IPCEF1: variants seen among roughly 807,000 people sequenced by gnomAD.
IPCEF1 encodes the protein interaction protein for cytohesin exchange factors 1.
In IPCEF1, 31 loss-of-function variants were observed where a neutral mutation model predicts 50.9. The ratio of observed to expected loss-of-function variants is 0.61; its 90% CI spans 0.46 to 0.82. The LOEUF (loss-of-function observed/expected upper bound fraction) is 0.82, where lower values mean the gene tolerates loss of function less well. IPCEF1 is among the 40% of genes least tolerant of loss of function. The pLI, the probability that IPCEF1 is intolerant of heterozygous loss-of-function variation, is 0.00. For missense variants in IPCEF1, 458 were observed against 514.0 expected, an observed-to-expected ratio of 0.89 and a Z score of 1.05; for synonymous variants, 181 against 192.0, an observed-to-expected ratio of 0.94 and a Z score of 0.47.
intron 5 of IPCEF1, among the ~76,000 whole-genome samples, chr6:154,226,757 T>C (rs1350349772): frequency 4.6e-5 from 7 of 152,314 alleles, no homozygotes; most frequent in Middle Eastern, 3.4e-3. Flanking sequence ...CCCTGCATGG[T>C]GTCCAGCTGC....
intron 5 of IPCEF1, among the ~76,000 whole-genome samples, chr6:154,244,301 G>GGTGGGT (rs71802413): frequency 8.8e-5 from 13 of 147,960 alleles, no homozygotes; most frequent in African/African-American, 2.5e-4. Context: ...TGTGTGGGTG[G>GGTGGGT]GTGTGTGTGT....
At chr6:154,218,723 AATG>A (rs779517343) in intron 7 of IPCEF1, among the ~76,000 whole-genome samples, 4 of 152,212 alleles carry the variant, frequency 2.6e-5, no homozygotes, top group Non-Finnish European at 5.9e-5. Context: ...GAAACTCTAT[AATG>A]ATATTATAAA....
In IPCEF1 at chr6:154,348,552, G is replaced by C. The variant is rs542881052; in HGVS notation, c.-62+8120C>G. Among the ~76,000 whole-genome samples the C allele has an allele frequency of 1.6e-4, 24 of 152,318 alleles. 1 individual carries two copies. The South Asian group carries it at 2.3e-3, about 14-fold the overall frequency. ...AGGTACTCAATAAGTATTTGGTGAA[G>C]GTTGAATATTCGTAAGTGGGTCCTT... On this transcript the variant is annotated intron_variant, in intron 1 of 11. Transcript: ENST00000367220.
intron 5 of IPCEF1, among the ~76,000 whole-genome samples, chr6:154,229,776 G>T (rs1341810935): frequency 6.6e-6 from 1 of 152,174 alleles, no homozygotes; most frequent in Non-Finnish European, 1.5e-5. Context: ...CATGCAAATC[G>T]TTATAACAGC....
chr6:154,302,829 T>G (rs1354992690), intron 1 of IPCEF1, among the ~76,000 whole-genome samples: 1 of 152,148 alleles, frequency 6.6e-6, no homozygotes, highest in East Asian at 1.9e-4. Context: ...CCAGGGTGCT[T>G]GTAAGGATTA....
Position 154,299,410 on chromosome 6 carries a change from C to T in IPCEF1, c.-61-9654G>A, listed in dbSNP as rs979142077. 4.2e-5 allele frequency among the ~76,000 whole-genome samples: 6 copies of T among 141,552 alleles called. 2 individuals are homozygous for T. Among genetic ancestry groups the T allele is most frequent in the Non-Finnish European group, 7.9e-5 (5 of 63,030 alleles). The allele number at this position is 141,552 out of a possible 152,430, so 92.9% of individuals were successfully genotyped here. A position where few individuals can be genotyped will look rare whatever the true frequency, so the allele number is the denominator to read the frequency against. On this transcript the variant is annotated intron_variant, in intron 1 of 11. Coordinates refer to ENST00000367220, the MANE Select transcript of IPCEF1 (RefSeq NM_001130700.2). The stretch of plus-strand genomic sequence containing the variant: ...GACAGACTGGATAAAGAAAATGTGG[C>T]ACATATATATCATGGAATACTACGC...
Position 154,156,163 on chromosome 6 carries a change from G to A in IPCEF1, c.*3665C>T, listed in dbSNP as rs1249409094. 1 of 152,292 alleles carries A rather than the reference G, an allele frequency of 6.6e-6. No homozygotes were observed. Among genetic ancestry groups the A allele is most frequent in the Non-Finnish European group, 1.5e-5 (1 of 68,090 alleles). The allele number at this position is 152,292 out of a possible 1,614,324, so 9.4% of individuals were successfully genotyped here. A position where few individuals can be genotyped will look rare whatever the true frequency, so the allele number is the denominator to read the frequency against. On this transcript the variant is annotated 3_prime_UTR_variant, in exon 12 of 12. Coordinates refer to ENST00000367220, the MANE Select transcript of IPCEF1 (RefSeq NM_001130700.2). ...AAAGAAAAGAAAGGAAACACAGCAT[G>A]ATTAGGTGAAACCCCAATCCATAGA...
At chr6:154,229,941 G>T in intron 5 of IPCEF1, among the ~76,000 whole-genome samples, 1 of 152,174 alleles carries the variant, frequency 6.6e-6, no homozygotes, top group East Asian at 1.9e-4. Context: ...AAAACATTCT[G>T]CTAAGTGAAA....
intron 2 of IPCEF1, among the ~76,000 whole-genome samples, chr6:154,289,042 G>A (rs1782446463): frequency 6.6e-6 from 1 of 152,098 alleles, no homozygotes; most frequent in East Asian, 1.9e-4. Context: ...GTGAGACACT[G>A]TCTCAAAAAC....
chr6:154,351,171 T>G (rs1290556895), intron 1 of IPCEF1, among the ~76,000 whole-genome samples: 1 of 152,224 alleles, frequency 6.6e-6, no homozygotes, highest in East Asian at 1.9e-4. Flanking sequence ...GCTAAAAAAT[T>G]GAGCCTAATA....
chr6:154,163,298 G>A (rs1200729354), intron 11 of IPCEF1, among the ~76,000 whole-genome samples: 2 of 152,058 alleles, frequency 1.3e-5, no homozygotes, highest in East Asian at 1.9e-4. Flanking sequence ...GCACACTCCC[G>A]CCCCAAGGTG....
At chr6:154,236,055 G>A (rs886282258) in intron 5 of IPCEF1, among the ~76,000 whole-genome samples, 1 of 151,984 alleles carries the variant, frequency 6.6e-6, no homozygotes, top group Non-Finnish European at 1.5e-5. Flanking sequence ...CCACCTCTAG[G>A]TATAAAACCA....
At position 154,310,060 on chromosome 6, in the gene IPCEF1, G is replaced by A. The variant is rs571208527; in HGVS notation, c.-61-20304C>T. 5.3e-5 allele frequency among the ~76,000 whole-genome samples: 8 copies of A among 152,214 alleles called. No homozygotes were observed. The South Asian group carries it at 1.0e-3, about 20-fold the overall frequency. ...ATCACAGGCGTGAGCCACCACACCC[G>A]GCCGTCGCTGTGCATTTTTAAACTT... On this transcript the variant is annotated intron_variant, in intron 1 of 11. Coordinates refer to ENST00000367220, the MANE Select transcript of IPCEF1 (RefSeq NM_001130700.2).
rs142560922 is a variant in IPCEF1 at position 154,273,262 on chromosome 6, T to C, written c.-17-7298A>G. ...AAACACAGGCAAACAATGTGCGTTA[T>C]TCTTAAGCCAGAAGTCAGAGCTAAG... On this transcript the variant is annotated intron_variant, in intron 2 of 11. Coordinates refer to ENST00000367220, the MANE Select transcript of IPCEF1 (RefSeq NM_001130700.2). Among the ~76,000 whole-genome samples, 687 of 152,366 alleles carry C rather than the reference T, an allele frequency of 4.5e-3. 5 individuals carry two copies. Among genetic ancestry groups the C allele is most frequent in the African/African-American group, 0.016 (653 of 41,586 alleles).
intron 10 of IPCEF1, among the ~76,000 whole-genome samples, chr6:154,193,513 AAAAT>A (rs1312606985): frequency 1.3e-5 from 2 of 152,242 alleles, no homozygotes; most frequent in Non-Finnish European, 2.9e-5. Context: ...TAACAAATTA[AAAAT>A]AAATAAAAAT....
At position 154,230,530 on chromosome 6, in the gene IPCEF1, G is replaced by A. The variant is rs575269351; in HGVS notation, c.247-7287C>T. ...GAAAATATACAAAATTACTTCTTAG[G>A]TACCTACACATGTCAGAAAAGCAGA... is the stretch of plus-strand genomic sequence containing the variant. On this transcript the variant is annotated intron_variant, in intron 5 of 11. Coordinates refer to ENST00000367220, the MANE Select transcript of IPCEF1 (RefSeq NM_001130700.2). Among the ~76,000 whole-genome samples the A allele has an allele frequency of 1.1e-4, 17 of 152,228 alleles. No individual in the cohort carries two copies. The South Asian group carries it at 3.5e-3, about 32-fold the overall frequency.
intron 1 of IPCEF1, among the ~76,000 whole-genome samples, chr6:154,323,286 G>A (rs1324131997): frequency 6.6e-6 from 1 of 152,170 alleles, no homozygotes; most frequent in Non-Finnish European, 1.5e-5. Context: ...ACTGTTGGGG[G>A]TTGATAAATA....
At chr6:154,236,508 G>A (rs980085821) in intron 5 of IPCEF1, among the ~76,000 whole-genome samples, 4 of 152,152 alleles carry the variant, frequency 2.6e-5, no homozygotes, top group Admixed American at 2.6e-4. Context: ...ATTAAGCAAT[G>A]CCACTCAACT....
chr6:154,232,235 C>T (rs1178139912), intron 5 of IPCEF1, among the ~76,000 whole-genome samples: 1 of 152,182 alleles, frequency 6.6e-6, no homozygotes, highest in African/African-American at 2.4e-5. Flanking sequence ...GTATTAGCAT[C>T]GGGCTGTGAC....
Sources: allele counts gnomAD v4.1 joint callset (sites outside exome capture counted in the v4.1 genomes callset), GRCh38; gene constraint gnomAD v4.1.1; transcripts MANE v1.5; gene names NCBI Gene and HGNC (gene_info 2026-07-23, HGNC 2026-07-21).